The following TRHDE variants were observed in gnomAD, a reference collection of about 807,000 sequenced individuals.
TRHDE encodes thyrotropin-releasing hormone-degrading ectoenzyme.
Under a neutral mutation model 125.7 loss-of-function variants are expected in TRHDE, and 72 were observed. That is an observed-to-expected ratio of 0.57 (90% CI 0.47 to 0.70). TRHDE has a LOEUF of 0.70. Ranked by LOEUF, TRHDE falls within the 30% of genes least tolerant of loss-of-function variation. TRHDE has a pLI of 0.00. For synonymous variants in TRHDE, 509 were observed against 509.1 expected (o/e 1.00, Z 0.00); for missense variants, 1,110 against 1,327.1 (o/e 0.84, Z 2.54).
chr12:72,537,772 T>C (rs570556755), intron 6 of TRHDE, among the ~76,000 whole-genome samples: 2 of 152,058 alleles, frequency 1.3e-5, no homozygotes, highest in Non-Finnish European at 2.9e-5. Flanking sequence ...CCATCACTTG[T>C]TCAATATTTT....
chr12:72,172,541 A>T (rs1397692411), intron 2 of TRHDE, among the ~76,000 whole-genome samples: 3 of 152,186 alleles, frequency 2.0e-5, no homozygotes, highest in Non-Finnish European at 4.4e-5. Context: ...AATGTATTCC[A>T]GTTTAGATTC....
chr12:72,378,258 T>A, intron 3 of TRHDE, 137 bp downstream of exon 3: 1 of 913,350 alleles, frequency 1.1e-6, no homozygotes, highest in Non-Finnish European at 1.5e-6. Context: ...CAAAAAAAAA[T>A]TTCTTTTGAA....
intron 5 of TRHDE, among the ~76,000 whole-genome samples, chr12:72,491,600 G>A (rs576722523): frequency 6.5e-4 from 99 of 151,918 alleles, no homozygotes; most frequent in Non-Finnish European, 1.1e-3. Flanking sequence ...ACATGAGGCA[G>A]CTGAAGGGTT....
At chr12:72,518,383 C>A (rs1878992722) in intron 6 of TRHDE, among the ~76,000 whole-genome samples, 1 of 150,896 alleles carries the variant, frequency 6.6e-6, no homozygotes, top group South Asian at 2.1e-4. Flanking sequence ...TGAATTGATT[C>A]CTTTACCATT....
In TRHDE at chr12:72,666,873, A is replaced by T. The variant is rs1339336658; in HGVS notation, c.*3678A>T. 1 of 152,040 alleles carries T rather than the reference A, an allele frequency of 6.6e-6. No homozygotes were observed. Among genetic ancestry groups the T allele is most frequent in the Non-Finnish European group, 1.5e-5 (1 of 67,964 alleles). The allele number at this position is 152,040 out of a possible 1,614,324, so 9.4% of individuals were successfully genotyped here. On this transcript the variant is annotated 3_prime_UTR_variant, in exon 19 of 19. Coordinates refer to ENST00000261180, the MANE Select transcript of TRHDE (RefSeq NM_013381.3). ...ATAATTTAATTCATTTAGTTTATTA[A>T]TTATATTTCCTGTCTGTATCTTTTA...
chr12:72,398,735 A>G (rs11179186), intron 3 of TRHDE, among the ~76,000 whole-genome samples: 15,757 of 152,184 alleles, frequency 0.1, 1,278 homozygotes, highest in East Asian at 0.48. Flanking sequence ...CCCTATGAAG[A>G]CAACAAATGG....
At chr12:72,644,425 G>C (rs1050409122) in intron 15 of TRHDE, among the ~76,000 whole-genome samples, 4 of 152,182 alleles carry the variant, frequency 2.6e-5, no homozygotes, top group African/African-American at 9.6e-5. Flanking sequence ...GGAGATGGTG[G>C]CTTGAGCAAG....
At chr12:72,235,480 A>G (rs1246870217) in intron 2 of TRHDE, among the ~76,000 whole-genome samples, 2 of 152,300 alleles carry the variant, frequency 1.3e-5, no homozygotes, top group East Asian at 3.9e-4. Context: ...ATACTACGCT[A>G]AGGCAGCCTG....
chr12:72,505,628 C>G (rs1304516146), intron 6 of TRHDE, among the ~76,000 whole-genome samples: 1 of 152,014 alleles, frequency 6.6e-6, no homozygotes, highest in East Asian at 1.9e-4. Flanking sequence ...ATCTGTACAC[C>G]AAACAAAATT....
intron 6 of TRHDE, among the ~76,000 whole-genome samples, chr12:72,540,376 A>G (rs1869084923): frequency 6.6e-6 from 1 of 151,782 alleles, no homozygotes; most frequent in Non-Finnish European, 1.5e-5. Flanking sequence ...CACTCTCTCC[A>G]GCTTAATTCA....
chr12:72,649,602 A>G (rs2136107711), intron 15 of TRHDE, among the ~76,000 whole-genome samples: 1 of 152,242 alleles, frequency 6.6e-6, no homozygotes, highest in African/African-American at 2.4e-5. Flanking sequence ...TAAAAAGGCA[A>G]CCCACAGAAT....
intron 6 of TRHDE, among the ~76,000 whole-genome samples, chr12:72,518,217 A>G (rs1280529925): frequency 8.7e-5 from 13 of 148,776 alleles, no homozygotes; most frequent in South Asian, 4.3e-4. Context: ...TTTCTGTCTC[A>G]TTGATCTGTC....
rs1315642588 is a variant in TRHDE, at chr12:72,273,304, G to T, written c.661G>T (p.Ala221Ser). The T allele has an allele frequency of 1.9e-6, 3 of 1,614,056 alleles. No individual in the cohort carries two copies. The highest frequency in any genetic ancestry group is 2.5e-6 in the Non-Finnish European group (3 of 1,180,002). ...CAACGTGGAGATCGCGTGCCGGAAC[G>T]CCACCCGCTACGTAGTGCTGCACGC... The part of the protein sequence containing the change: ...EVNVEIACRN[A>S]TRYVVLHASR... The change falls in exon 1 of 19, where the codon GCC becomes TCC. Residue 221 changes from alanine to serine, a missense_variant. Transcript: ENST00000261180. The surrounding 1 kb of genome is among the most constrained non-coding windows in gnomAD (Gnocchi z 5.3).
intron 2 of TRHDE, among the ~76,000 whole-genome samples, chr12:72,359,010 TAGG>T (rs1870945561): frequency 1.3e-5 from 2 of 151,592 alleles, no homozygotes; most frequent in Non-Finnish European, 3.0e-5. Flanking sequence ...TAGGCATGTT[TAGG>T]TATGTTTCAC....
chr12:72,458,256 T>C (rs554012742), intron 3 of TRHDE, among the ~76,000 whole-genome samples: 1 of 152,316 alleles, frequency 6.6e-6, no homozygotes, highest in South Asian at 2.1e-4. Context: ...TTCAACTACT[T>C]GATTATATAT....
At chr12:72,498,772 A>C (rs1163579086) in intron 5 of TRHDE, among the ~76,000 whole-genome samples, 1 of 152,336 alleles carries the variant, frequency 6.6e-6, no homozygotes, top group East Asian at 1.9e-4. Context: ...ATGTCTCAAC[A>C]TGCAGAGAAT....
At chr12:72,632,731 C>CAAA (rs35575828) in intron 15 of TRHDE, among the ~76,000 whole-genome samples, 2 of 127,468 alleles carry the variant, frequency 1.6e-5, no homozygotes, top group Non-Finnish European at 1.7e-5. Flanking sequence ...AACATTGGAC[C>CAAA]AAAAAAAAAA....
chr12:72,306,067 C>T (rs1565691950), intron 2 of TRHDE, among the ~76,000 whole-genome samples: 2 of 152,170 alleles, frequency 1.3e-5, no homozygotes, highest in African/African-American at 4.8e-5. Context: ...TCTGTTATTC[C>T]CTTTTCCCCT....
chr12:72,584,443 A>G (rs1296214459), intron 12 of TRHDE, among the ~76,000 whole-genome samples: 1 of 152,168 alleles, frequency 6.6e-6, no homozygotes, highest in Non-Finnish European at 1.5e-5. Flanking sequence ...TCAAGAATAC[A>G]ATATATTGTC....
Sources: gnomAD v4.1 joint callset for allele counts (sites outside exome capture counted in the v4.1 genomes callset) on GRCh38, gnomAD v4.1.1 for gene constraint, Gnocchi (gnomAD v3.1) non-coding constraint, MANE v1.5 for transcripts, NCBI Gene and HGNC (gene_info 2026-07-23, HGNC 2026-07-21) for gene names.